RAD51B: variants seen among roughly 807,000 people sequenced by gnomAD.
RAD51B encodes DNA repair protein RAD51 homolog 2.
Under a neutral mutation model 42.2 loss-of-function variants are expected in RAD51B, and 38 were observed. The observed-to-expected ratio is 0.90, with a 90% CI of 0.70 to 1.18. The LOEUF (loss-of-function observed/expected upper bound fraction) is 1.18, where lower values mean the gene tolerates loss of function less well. RAD51B is among the 50% of genes most tolerant of loss of function. RAD51B has a pLI of 0.00. For missense variants in RAD51B, 373 were observed against 400.7 expected, an observed-to-expected ratio of 0.93 and a Z score of 0.59; for synonymous variants, 154 against 145.2, an observed-to-expected ratio of 1.06 and a Z score of -0.43.
chr14:68,552,479 T>C (rs566794204), intron 10 of RAD51B, among the ~76,000 whole-genome samples: 6 of 152,122 alleles, frequency 3.9e-5, no homozygotes, highest in Non-Finnish European at 8.8e-5. Flanking sequence ...TGAGACACAA[T>C]GGCAGATAAC....
At chr14:68,470,281 C>T (rs2086089117) in intron 10 of RAD51B, among the ~76,000 whole-genome samples, 1 of 152,226 alleles carries the variant, frequency 6.6e-6, no homozygotes, top group South Asian at 2.1e-4. Flanking sequence ...CCCCAAGCTA[C>T]ACATCCCTCT....
chr14:68,507,285 G>A (rs751092831), intron 10 of RAD51B, among the ~76,000 whole-genome samples: 32 of 152,224 alleles, frequency 2.1e-4, no homozygotes, highest in Non-Finnish European at 2.8e-4. Flanking sequence ...GGGTGTCCTC[G>A]TGTGTGTTTA....
chr14:68,509,433 T>C (rs1248439577), intron 10 of RAD51B, among the ~76,000 whole-genome samples: 1 of 152,236 alleles, frequency 6.6e-6, no homozygotes, highest in Admixed American at 6.5e-5. Flanking sequence ...GTGACTCTGT[T>C]TCATCTGTGA....
At chr14:68,335,513 C>A (rs1177739731) in intron 8 of RAD51B, among the ~76,000 whole-genome samples, 1 of 152,142 alleles carries the variant, frequency 6.6e-6, no homozygotes, top group Admixed American at 6.5e-5. Context: ...TAACAGGTTT[C>A]ACTGCAACCA....
intron 3 of RAD51B, among the ~76,000 whole-genome samples, chr14:67,826,410 G>A (rs2040834930): frequency 6.6e-6 from 1 of 152,138 alleles, no homozygotes; most frequent in African/African-American, 2.4e-5. Context: ...GACTTTTTGT[G>A]TCATGACTGT....
chr14:68,507,816 G>T (rs1302574080), intron 10 of RAD51B, among the ~76,000 whole-genome samples: 1 of 152,202 alleles, frequency 6.6e-6, no homozygotes, highest in Non-Finnish European at 1.5e-5. Flanking sequence ...TCATGTTATA[G>T]TCATGAGCCC....
chr14:67,947,217 A>G (rs903337784), intron 7 of RAD51B, among the ~76,000 whole-genome samples: 1 of 152,244 alleles, frequency 6.6e-6, no homozygotes, highest in Non-Finnish European at 1.5e-5. Context: ...TATAAAGCAT[A>G]AATAGTAAAA....
intron 7 of RAD51B, among the ~76,000 whole-genome samples, chr14:68,140,806 G>A (rs1304447563): frequency 2.0e-5 from 3 of 152,204 alleles, no homozygotes; most frequent in African/African-American, 7.2e-5. Context: ...GTGAATTAAT[G>A]TGCCAGGTTT....
chr14:68,024,528 A>G (rs1369720889), intron 7 of RAD51B, among the ~76,000 whole-genome samples: 2 of 151,994 alleles, frequency 1.3e-5, no homozygotes, highest in East Asian at 1.9e-4. Context: ...AGTGTTTTGT[A>G]GTTGTCCTTA....
At chr14:68,394,899 C>T (rs1477896270) in intron 8 of RAD51B, among the ~76,000 whole-genome samples, 1 of 152,186 alleles carries the variant, frequency 6.6e-6, no homozygotes, top group African/African-American at 2.4e-5. Context: ...GCCTCCAGCC[C>T]CCCTCACCCC....
In RAD51B at chr14:68,089,064, A is replaced by G. The variant is rs529995668; in HGVS notation, c.756+201860A>G. ...CTGCTTTTCATGAACTTTTAATATAAAGCCATCATTATTTTTTTTTCCTGG... is the reference window on the plus strand; with the variant it reads ...CTGCTTTTCATGAACTTTTAATATAGAGCCATCATTATTTTTTTTTCCTGG... On this transcript the variant is annotated intron_variant, in intron 7 of 10. Transcript: ENST00000471583. Among the ~76,000 whole-genome samples, 4 of 152,220 alleles carry G rather than the reference A, an allele frequency of 2.6e-5. No individual in the cohort carries two copies. The South Asian group carries it at 8.3e-4, about 32-fold the overall frequency.
chr14:68,326,849 G>A (rs796687529), intron 8 of RAD51B, among the ~76,000 whole-genome samples: 10 of 152,300 alleles, frequency 6.6e-5, no homozygotes, highest in African/African-American at 2.2e-4. Flanking sequence ...GAGAAGGTGA[G>A]GGAACAGGCT....
At chr14:68,563,176 A>G (rs1181244164) in intron 10 of RAD51B, 6 of 985,286 alleles carry the variant, frequency 6.1e-6, no homozygotes, top group Non-Finnish European at 7.2e-6. Flanking sequence ...CCTCAGCCTC[A>G]GGTCTGCCAA....
intron 7 of RAD51B, among the ~76,000 whole-genome samples, chr14:68,068,681 G>A (rs2076693380): frequency 6.6e-6 from 1 of 152,056 alleles, no homozygotes; most frequent in Non-Finnish European, 1.5e-5. Context: ...AAATTTTTGA[G>A]GAACTGTTAA....
chr14:68,051,366 T>C (rs895205513), intron 7 of RAD51B, among the ~76,000 whole-genome samples: 3 of 152,154 alleles, frequency 2.0e-5, no homozygotes, highest in Non-Finnish European at 4.4e-5. Context: ...TTTATTTTAC[T>C]AGTCTACTTT....
At chr14:67,825,703 T>C in intron 3 of RAD51B, 126 bp downstream of exon 3, 1 of 651,530 alleles carries the variant, frequency 1.5e-6, no homozygotes, top group South Asian at 2.9e-5. Flanking sequence ...TTTTCTACTA[T>C]AGAAGTTAGT....
chr14:68,023,928 A>T (rs1418099493), intron 7 of RAD51B, among the ~76,000 whole-genome samples: 1 of 152,168 alleles, frequency 6.6e-6, no homozygotes, highest in Non-Finnish European at 1.5e-5. Context: ...GCCCAGGTTG[A>T]TATCAAGAAA....
chr14:68,449,303 A>C (rs1360901314), intron 9 of RAD51B, among the ~76,000 whole-genome samples: 1 of 152,238 alleles, frequency 6.6e-6, no homozygotes, highest in Non-Finnish European at 1.5e-5. Flanking sequence ...TGAATATTGT[A>C]GCCGTGCTTT....
chr14:68,652,495 G>C (rs984549504), intron 11 of RAD51B, among the ~76,000 whole-genome samples: 1 of 152,224 alleles, frequency 6.6e-6, no homozygotes, highest in Non-Finnish European at 1.5e-5. Context: ...AGAGGCAGAG[G>C]TGCAGCATCC....
Sources: allele counts gnomAD v4.1 joint callset (sites outside exome capture counted in the v4.1 genomes callset), GRCh38; gene constraint gnomAD v4.1.1; transcripts MANE v1.5; gene names NCBI Gene and HGNC (gene_info 2026-07-23, HGNC 2026-07-21).